NELL1: variants seen among roughly 807,000 people sequenced by gnomAD.
The protein encoded by NELL1 is protein kinase C-binding protein NELL1.
NELL1 carries 76 observed loss-of-function variants against 107.4 expected under a neutral mutation model. That is an observed-to-expected ratio of 0.71 (90% CI 0.59 to 0.86). The LOEUF is 0.86. Among genes scored for constraint, NELL1 ranks in the 40% least tolerant of loss-of-function variants. The pLI is 0.00. For missense variants in NELL1, 1,024 were observed against 1,005.5 expected, an observed-to-expected ratio of 1.02 and a Z score of -0.25; for synonymous variants, 353 against 341.2, an observed-to-expected ratio of 1.03 and a Z score of -0.38.
intron 13 of NELL1, among the ~76,000 whole-genome samples, chr11:21,156,141 A>G (rs1856227828): frequency 1.3e-5 from 2 of 152,170 alleles, no homozygotes; most frequent in Non-Finnish European, 2.9e-5. Context: ...CATCTGTTAA[A>G]AATGAAGGAG....
In NELL1 at chr11:21,334,379, T is replaced by C. The variant is rs548354658; in HGVS notation, c.1550-36474T>C. 1.4e-4 allele frequency among the ~76,000 whole-genome samples: 22 copies of C among 152,048 alleles called. 1 individual carries two copies. In the South Asian group the frequency reaches 3.9e-3, roughly 27 times the overall value. On this transcript the variant is annotated intron_variant, in intron 14 of 19. Transcript: ENST00000357134. ...TTGTTGGTAAGTTTTAAAAATATTTTATATCTAAAAAAAATTAAGTCACAA... is the reference window on the plus strand; with the variant it reads ...TTGTTGGTAAGTTTTAAAAATATTTCATATCTAAAAAAAATTAAGTCACAA...
intron 1 of NELL1, among the ~76,000 whole-genome samples, chr11:20,674,919 T>C (rs1378755870): frequency 6.6e-6 from 1 of 152,202 alleles, no homozygotes; most frequent in Non-Finnish European, 1.5e-5. Context: ...GTCATAATAA[T>C]TTTGTATAAC....
chr11:20,803,029 C>G (rs1857310524), intron 3 of NELL1, among the ~76,000 whole-genome samples: 1 of 151,938 alleles, frequency 6.6e-6, no homozygotes. Context: ...CTGTAATTTT[C>G]TTTATTTTTT....
intron 1 of NELL1, among the ~76,000 whole-genome samples, chr11:20,670,892 G>A (rs1203996156): frequency 6.6e-6 from 1 of 152,156 alleles, no homozygotes; most frequent in Non-Finnish European, 1.5e-5. Flanking sequence ...AGGCCAAAGA[G>A]CAAGTTCATC....
At chr11:21,400,147 T>C (rs576776414) in intron 15 of NELL1, among the ~76,000 whole-genome samples, 3 of 151,926 alleles carry the variant, frequency 2.0e-5, no homozygotes, top group African/African-American at 7.2e-5. Flanking sequence ...CCATAGTTTG[T>C]GTCACAGAAT....
At chr11:21,090,346 G>A (rs186015369) in intron 12 of NELL1, among the ~76,000 whole-genome samples, 79 of 152,134 alleles carry the variant, frequency 5.2e-4, no homozygotes, top group African/African-American at 1.8e-3. Flanking sequence ...GCCATGATGT[G>A]GATCATACAT....
Position 21,024,494 on chromosome 11 carries a change from T to G in NELL1, c.1300+63934T>G, listed in dbSNP as rs533208709. On this transcript the variant is annotated intron_variant, in intron 12 of 19. Transcript: ENST00000357134. ...ACTTTGAAGTGTTAGTTAAAATTTA[T>G]TGTTCAAACTTCTTCTATCAAGCGG... Among the ~76,000 whole-genome samples, 4 of 152,218 alleles carry G rather than the reference T, an allele frequency of 2.6e-5. No individual in the cohort carries two copies. In the South Asian group the frequency reaches 8.3e-4, roughly 32 times the overall value.
At position 21,451,126 on chromosome 11, in the gene NELL1, G is replaced by T. The variant is rs1168397678; in HGVS notation, c.1645+80178G>T. ...GGCGTGAACCCGGCAGGCTGAGCTT[G>T]CAGTAAGCCGAGATCGCGCCGCTGC... On this transcript the variant is annotated intron_variant, in intron 15 of 19. Coordinates refer to ENST00000357134, the MANE Select transcript of NELL1 (RefSeq NM_006157.5). Among the ~76,000 whole-genome samples the T allele has an allele frequency of 2.8e-5, 4 of 144,352 alleles. No homozygotes were observed. The East Asian group carries it at 8.1e-4, about 29-fold the overall frequency. The allele number at this position is 144,352 out of a possible 152,430, so 94.7% of individuals were successfully genotyped here. A position where few individuals can be genotyped will look rare whatever the true frequency, so the allele number is the denominator to read the frequency against.
intron 14 of NELL1, among the ~76,000 whole-genome samples, chr11:21,352,374 A>G (rs1323510980): frequency 6.6e-6 from 1 of 152,198 alleles, no homozygotes; most frequent in African/African-American, 2.4e-5. Context: ...TTAGGAGAGT[A>G]CTTGGCACAT....
intron 14 of NELL1, among the ~76,000 whole-genome samples, chr11:21,239,130 T>A (rs1294372516): frequency 1.3e-5 from 2 of 152,074 alleles, no homozygotes; most frequent in Non-Finnish European, 2.9e-5. Context: ...AAAAATCCAC[T>A]GAAATTTTTC....
At chr11:20,676,014 G>T (rs916954782) in intron 1 of NELL1, among the ~76,000 whole-genome samples, 1 of 152,074 alleles carries the variant, frequency 6.6e-6, no homozygotes, top group Non-Finnish European at 1.5e-5. Context: ...CTCCCAAAGT[G>T]TTAGAATTAC....
In NELL1 at chr11:21,427,639, G is replaced by A. The variant is rs568588415; in HGVS notation, c.1645+56691G>A. On this transcript the variant is annotated intron_variant, in intron 15 of 19. Transcript: ENST00000357134. ...ATCCTCCAACACTTAGGGAGGGAGA[G>A]GTGATAAGATAGCTTGAACCCAGGA... 2.0e-5 allele frequency among the ~76,000 whole-genome samples: 3 copies of A among 152,304 alleles called. 1 individual carries two copies. Among genetic ancestry groups the A allele is most frequent in the South Asian group, 4.2e-4 (2 of 4,818 alleles).
intron 14 of NELL1, among the ~76,000 whole-genome samples, chr11:21,269,941 G>A (rs755456458): frequency 2.0e-5 from 3 of 151,930 alleles, no homozygotes; most frequent in Non-Finnish European, 4.4e-5. Flanking sequence ...TTATCATAAG[G>A]TTCTTGTACT....
intron 12 of NELL1, among the ~76,000 whole-genome samples, chr11:21,050,836 C>A (rs1011895241): frequency 4.6e-5 from 7 of 152,096 alleles, no homozygotes; most frequent in Admixed American, 4.6e-4. Context: ...TTCTAGATAG[C>A]CAAGTGGCTG....
intron 14 of NELL1, among the ~76,000 whole-genome samples, chr11:21,360,983 C>G (rs931216561): frequency 4.6e-5 from 7 of 152,136 alleles, no homozygotes; most frequent in Non-Finnish European, 1.0e-4. Flanking sequence ...ATGTGAGGTA[C>G]TGTTCTATTC....
intron 4 of NELL1, among the ~76,000 whole-genome samples, chr11:20,851,436 A>C (rs1848793818): frequency 6.6e-6 from 1 of 152,082 alleles, no homozygotes; most frequent in Middle Eastern, 3.2e-3. Context: ...GGGTGGGGAG[A>C]CTGATTATCT....
intron 15 of NELL1, among the ~76,000 whole-genome samples, chr11:21,392,304 C>T (rs1295371409): frequency 6.6e-6 from 1 of 151,696 alleles, no homozygotes; most frequent in Admixed American, 6.6e-5. Context: ...TCACTGTTCC[C>T]CATAGTTTCA....
intron 2 of NELL1, among the ~76,000 whole-genome samples, chr11:20,694,807 G>GT (rs1041742946): frequency 2.2e-4 from 34 of 151,190 alleles, no homozygotes; most frequent in African/African-American, 3.9e-4. Context: ...TTTAGTGTAG[G>GT]TTTTTTTTTA....
chr11:20,995,798 C>G (rs1852078646), intron 12 of NELL1, among the ~76,000 whole-genome samples: 1 of 152,122 alleles, frequency 6.6e-6, no homozygotes, highest in Non-Finnish European at 1.5e-5. Flanking sequence ...GACATGATCT[C>G]TATCTTCTGT....
Sources: gnomAD v4.1 joint callset for allele counts (sites outside exome capture counted in the v4.1 genomes callset) on GRCh38, gnomAD v4.1.1 for gene constraint, MANE v1.5 for transcripts, NCBI Gene and HGNC (gene_info 2026-07-23, HGNC 2026-07-21) for gene names.